ABLIM3: variants seen among roughly 807,000 people sequenced by gnomAD.
ABLIM3 encodes actin binding LIM protein family member 3.
A neutral mutation model predicts 109.5 loss-of-function variants in ABLIM3; 61 were observed. The observed-to-expected ratio is 0.56, with a 90% CI of 0.45 to 0.69. The LOEUF is 0.69. Ranked by LOEUF, ABLIM3 falls within the 30% of genes least tolerant of loss-of-function variation. The probability of loss-of-function intolerance (pLI) is 0.00; values close to 1 mark genes in which losing one functional copy is unlikely to be tolerated. For synonymous variants in ABLIM3, 300 were observed against 324.8 expected (o/e 0.92, Z 0.82); for missense variants, 796 against 889.5 (o/e 0.89, Z 1.34).
chr5:149,230,056 G>A (rs1761696378), intron 8 of ABLIM3, among the ~76,000 whole-genome samples: 1 of 152,138 alleles, frequency 6.6e-6, no homozygotes, highest in African/African-American at 2.4e-5. Flanking sequence ...AAAGAAAGCT[G>A]GAGTTCACCA....
In ABLIM3 at chr5:149,147,069, T is replaced by TTCTCTCTCTCTCTCTCTC. The variant is rs200724498; in HGVS notation, c.13+4964_13+4981dup. The stretch of plus-strand genomic sequence containing the variant: ...ATATTCCTAGGGTTTCTCTCTCTCT[T>TTCTCTCTCTCTCTCTCTC]TCTCTCTCTCTCTCTCTCTCGCTCG... On this transcript the variant is annotated intron_variant, in intron 2 of 23. Coordinates refer to ENST00000309868, the MANE Select transcript of ABLIM3 (RefSeq NM_014945.5). Among the ~76,000 whole-genome samples, 181 of 148,742 alleles carry TTCTCTCTCTCTCTCTCTC rather than the reference T, an allele frequency of 1.2e-3. 1 individual carries two copies. The East Asian group carries it at 0.024, about 20-fold the overall frequency.
intron 8 of ABLIM3, among the ~76,000 whole-genome samples, chr5:149,229,825 T>G (rs533400007): frequency 6.6e-6 from 1 of 152,374 alleles, no homozygotes; most frequent in Non-Finnish European, 1.5e-5. Flanking sequence ...AGCCACCTGT[T>G]GCTCATGCCT....
intron 3 of ABLIM3, among the ~76,000 whole-genome samples, chr5:149,190,673 C>T (rs183331919): frequency 5.3e-4 from 80 of 152,232 alleles, no homozygotes; most frequent in African/African-American, 1.9e-3. Context: ...GAGTGAGTCC[C>T]TGTCTCAAAA....
At chr5:149,148,434 A>T (rs1753122592) in intron 2 of ABLIM3, among the ~76,000 whole-genome samples, 1 of 152,202 alleles carries the variant, frequency 6.6e-6, no homozygotes, top group Admixed American at 6.5e-5. Flanking sequence ...AAGGAGGGAA[A>T]CTGGCCAATC....
rs918413498 is a variant in ABLIM3, at chr5:149,259,041, C to T, written c.*637C>T. The T allele has an allele frequency of 4.0e-6, 4 of 1,007,284 alleles. No individual in the cohort carries two copies. In the African/African-American group the frequency reaches 6.9e-5, roughly 17 times the overall value. The allele number at this position is 1,007,284 out of a possible 1,614,324, so 62.4% of individuals were successfully genotyped here. On this transcript the variant is annotated 3_prime_UTR_variant, in exon 24 of 24. Coordinates refer to ENST00000309868, the MANE Select transcript of ABLIM3 (RefSeq NM_014945.5). ...CTCCTCCTTCTGCCCTGGATTGTAA[C>T]CTCTCCCTTGTCCAAATCTAGGATT... is the stretch of plus-strand genomic sequence containing the variant.
At chr5:149,205,170 C>T (rs1758851201) in intron 5 of ABLIM3, among the ~76,000 whole-genome samples, 1 of 152,128 alleles carries the variant, frequency 6.6e-6, no homozygotes, top group Non-Finnish European at 1.5e-5. Context: ...GTGGATTATT[C>T]TTGATGCGTA....
At chr5:149,245,471 A>T (rs1753259746) in intron 16 of ABLIM3, among the ~76,000 whole-genome samples, 1 of 152,020 alleles carries the variant, frequency 6.6e-6, no homozygotes, top group African/African-American at 2.4e-5. Context: ...CTGTCCACTT[A>T]ACCTTGAACT....
intron 2 of ABLIM3, among the ~76,000 whole-genome samples, chr5:149,153,503 G>C (rs376014570): frequency 6.6e-6 from 1 of 152,186 alleles, no homozygotes; most frequent in East Asian, 1.9e-4. Context: ...TGAGCAGTAC[G>C]GCCTACAGGA....
At chr5:149,167,562 C>T (rs73798012) in intron 2 of ABLIM3, among the ~76,000 whole-genome samples, 142 of 152,256 alleles carry the variant, frequency 9.3e-4, no homozygotes, top group African/African-American at 3.2e-3. Context: ...TTCTTACAGA[C>T]AAGAGCTATA....
In ABLIM3 at chr5:149,200,442, A is replaced by C; in HGVS notation, c.448+14A>C. 1 of 1,610,248 alleles carries C rather than the reference A, an allele frequency of 6.2e-7. No individual in the cohort carries two copies. Among genetic ancestry groups the C allele is most frequent in the Non-Finnish European group, 8.5e-7 (1 of 1,176,608 alleles). The stretch of plus-strand genomic sequence containing the variant: ...GTGGACCAAGCCGTGAGTCCTCCCC[A>C]CGGGTATCTCCCTGTCCATGGGTGT... On this transcript the variant is annotated intron_variant, in intron 5 of 23. Coordinates refer to ENST00000309868, the MANE Select transcript of ABLIM3 (RefSeq NM_014945.5).
intron 6 of ABLIM3, among the ~76,000 whole-genome samples, chr5:149,208,223 T>C (rs1361483375): frequency 6.6e-6 from 1 of 152,204 alleles, no homozygotes. Context: ...AAAGCAAAAA[T>C]AGGAGTTTAT....
At chr5:149,225,915 TCATATATA>T (rs59550877) in intron 8 of ABLIM3, among the ~76,000 whole-genome samples, 59,997 of 135,582 alleles carry the variant, frequency 0.44, 13,707 homozygotes, top group East Asian at 0.63. Context: ...TAGTATTCCA[TCATATATA>T]CATATATATA....
At chr5:149,226,246 A>AAGAC (rs956161407) in intron 8 of ABLIM3, among the ~76,000 whole-genome samples, 2 of 151,456 alleles carry the variant, frequency 1.3e-5, no homozygotes, top group African/African-American at 4.9e-5. Context: ...CAGCAGTTTG[A>AAGAC]AGACTGAGGA....
intron 2 of ABLIM3, among the ~76,000 whole-genome samples, chr5:149,169,431 A>G (rs966577403): frequency 1.3e-5 from 2 of 152,096 alleles, no homozygotes; most frequent in African/African-American, 4.8e-5. Context: ...AAACCTTCCC[A>G]GGACCCTCTC....
chr5:149,189,641 C>G (rs1008566777), intron 3 of ABLIM3, among the ~76,000 whole-genome samples: 2 of 152,102 alleles, frequency 1.3e-5, no homozygotes, highest in Admixed American at 1.3e-4. Context: ...AAATGCAAAT[C>G]AAACCACAAT....
At position 149,198,585 on chromosome 5, in the gene ABLIM3, C is replaced by T. The variant is rs1029845768; in HGVS notation, c.335+183C>T. Among the ~76,000 whole-genome samples the T allele has an allele frequency of 6.6e-5, 10 of 152,216 alleles. No homozygotes were observed. The highest frequency in any genetic ancestry group is 1.7e-4 in the African/African-American group (7 of 41,448). ...TTTTCAAACACTGTAGCATCTGAAT[C>T]TTTCTTATAAAATACAATCTGATCT... is the stretch of plus-strand genomic sequence containing the variant. On this transcript the variant is annotated intron_variant, in intron 4 of 23. Transcript: ENST00000309868. The surrounding 1 kb of genome is among the most constrained non-coding windows in gnomAD (Gnocchi z 4.2).
intron 2 of ABLIM3, among the ~76,000 whole-genome samples, chr5:149,142,526 G>C (rs1752564789): frequency 6.6e-6 from 1 of 152,174 alleles, no homozygotes; most frequent in African/African-American, 2.4e-5. Flanking sequence ...GGGAGGGTAG[G>C]TGGGTGTGGG....
chr5:149,151,174 C>T (rs1442052973), intron 2 of ABLIM3, among the ~76,000 whole-genome samples: 1 of 152,202 alleles, frequency 6.6e-6, no homozygotes, highest in Non-Finnish European at 1.5e-5. Context: ...TACTCGAGGC[C>T]TCTCCTTTGC....
At chr5:149,167,508 C>T (rs1390793681) in intron 2 of ABLIM3, among the ~76,000 whole-genome samples, 1 of 152,144 alleles carries the variant, frequency 6.6e-6, no homozygotes, top group Non-Finnish European at 1.5e-5. Context: ...CACTTCTCAT[C>T]TTGTGGTATA....
Sources: allele counts gnomAD v4.1 joint callset (sites outside exome capture counted in the v4.1 genomes callset), GRCh38; gene constraint gnomAD v4.1.1; non-coding constraint Gnocchi (gnomAD v3.1); transcripts MANE v1.5; gene names NCBI Gene and HGNC (gene_info 2026-07-23, HGNC 2026-07-21).